WDR49: variants seen among roughly 807,000 people sequenced by gnomAD.
WDR49 encodes cilia- and flagella-associated protein 337.
Under a neutral mutation model 119.5 loss-of-function variants are expected in WDR49, and 107 were observed. The observed-to-expected ratio is 0.90, with a 90% CI of 0.77 to 1.05. The LOEUF is 1.05. Ranked by LOEUF, WDR49 falls within the 50% of genes least tolerant of loss-of-function variation. The pLI is 0.00. For missense variants in WDR49, 1,240 were observed against 1,220.5 expected (o/e 1.02, Z -0.24); for synonymous variants, 425 against 418.8 (o/e 1.01, Z -0.18).
chr3:167,522,508 T>C (rs765724517), intron 15 of WDR49, 24 bp from the exon 16 acceptor site: 3 of 1,578,296 alleles, frequency 1.9e-6, no homozygotes, highest in Non-Finnish European at 2.6e-6. Context: ...AAACATCTGT[T>C]TTATTTTTAT....
chr3:167,531,992 C>T (rs1281407097), intron 12 of WDR49, among the ~76,000 whole-genome samples: 1 of 152,102 alleles, frequency 6.6e-6, no homozygotes, highest in African/African-American at 2.4e-5. Context: ...GAAGAAGAGG[C>T]AGAATTCCAA....
At chr3:167,533,682 G>A (rs922917399) in intron 11 of WDR49, among the ~76,000 whole-genome samples, 2 of 152,014 alleles carry the variant, frequency 1.3e-5, no homozygotes, top group African/African-American at 4.8e-5. Context: ...TCTTCACAGA[G>A]AACAGAGAAA....
intron 3 of WDR49, among the ~76,000 whole-genome samples, chr3:167,622,884 G>T (rs1288198700): frequency 6.6e-6 from 1 of 151,840 alleles, no homozygotes; most frequent in African/African-American, 2.4e-5. Flanking sequence ...CAAACACAAT[G>T]GAATGAAATT....
At chr3:167,654,180 T>C (rs1445323700), upstream of WDR49, among the ~76,000 whole-genome samples, 2 of 152,204 alleles carry the variant, frequency 1.3e-5, no homozygotes, top group African/African-American at 4.8e-5. Flanking sequence ...TTTACCATTA[T>C]ATAGGATATA....
intron 10 of WDR49, among the ~76,000 whole-genome samples, chr3:167,539,868 CA>C (rs1179286198): frequency 6.6e-6 from 1 of 152,124 alleles, no homozygotes; most frequent in Non-Finnish European, 1.5e-5. Context: ...TCTAGAAGAG[CA>C]AATACTTTGT....
intron 15 of WDR49, among the ~76,000 whole-genome samples, chr3:167,526,577 C>T (rs752180062): frequency 6.6e-6 from 1 of 152,100 alleles, no homozygotes; most frequent in East Asian, 1.9e-4. Context: ...CCCACTTAGC[C>T]GCTTTTTTTC....
chr3:167,532,844 T>C (rs1752896896), intron 12 of WDR49, 35 bp downstream of exon 12: 1 of 1,513,296 alleles, frequency 6.6e-7, no homozygotes, highest in Admixed American at 1.7e-5. Flanking sequence ...GTGATTTGAC[T>C]AGCCATGTTA....
At chr3:167,505,573 C>A (rs1367627885) in intron 16 of WDR49, among the ~76,000 whole-genome samples, 157 bp from the exon 17 acceptor site, 1 of 152,086 alleles carries the variant, frequency 6.6e-6, no homozygotes, top group African/African-American at 2.4e-5. Context: ...ACTAATCAAG[C>A]CCTATCTTTT....
chr3:167,587,806 A>AT (rs1449324160), intron 7 of WDR49, among the ~76,000 whole-genome samples: 4 of 151,780 alleles, frequency 2.6e-5, no homozygotes, highest in South Asian at 2.1e-4. Context: ...TTTCTAATTA[A>AT]TTTTTTTATT....
At chr3:167,626,742 G>A (rs761545603) in intron 3 of WDR49, 110 bp downstream of exon 3, 19 of 895,552 alleles carry the variant, frequency 2.1e-5, no homozygotes, top group Non-Finnish European at 2.6e-5. Flanking sequence ...TCCAGGTCAG[G>A]AGAAAGCCAC....
intron 4 of WDR49, 137 bp downstream of exon 4, chr3:167,621,330 T>A (rs1716858402): frequency 2.3e-6 from 2 of 877,158 alleles, no homozygotes; most frequent in East Asian, 5.8e-5. Flanking sequence ...CTAATCCATC[T>A]CTTCCATGTC....
intron 8 of WDR49, among the ~76,000 whole-genome samples, chr3:167,566,448 A>G (rs929105751): frequency 8.5e-5 from 13 of 152,248 alleles, no homozygotes; most frequent in Non-Finnish European, 1.6e-4. Flanking sequence ...ATTGTTACGT[A>G]TAAAAGCAAT....
At chr3:167,578,114 TCCAGG>T (rs1714342885) in intron 7 of WDR49, among the ~76,000 whole-genome samples, 1 of 152,128 alleles carries the variant, frequency 6.6e-6, no homozygotes, top group Non-Finnish European at 1.5e-5. Flanking sequence ...ACCCCTTTTC[TCCAGG>T]TTAAATGATC....
rs546171415 is a variant in WDR49 at position 167,610,098 on chromosome 3, G to A, written c.959-5630C>T. On this transcript the variant is annotated intron_variant, in intron 5 of 18. Transcript: ENST00000682715. ...GACTTGCTGGCTTCAGGTGAGACTCGGCACATTACTAGCTGTGGAGGCTAT... is the reference window on the plus strand; with the variant it reads ...GACTTGCTGGCTTCAGGTGAGACTCAGCACATTACTAGCTGTGGAGGCTAT... 3.3e-5 allele frequency among the ~76,000 whole-genome samples: 5 copies of A among 152,240 alleles called. No homozygotes were observed. The East Asian group carries it at 5.8e-4, about 18-fold the overall frequency.
intron 11 of WDR49, among the ~76,000 whole-genome samples, chr3:167,533,897 G>A (rs1189569935): frequency 6.6e-6 from 1 of 152,048 alleles, no homozygotes; most frequent in African/African-American, 2.4e-5. Flanking sequence ...GGGGAGAGGA[G>A]AGAGAAATGC....
chr3:167,629,630 C>A (rs79451208), intron 2 of WDR49, among the ~76,000 whole-genome samples: 1,724 of 152,100 alleles, frequency 0.011, 33 homozygotes, highest in East Asian at 0.097. Flanking sequence ...AATTAAAAAC[C>A]TTTTGGAAAG....
intron 2 of WDR49, among the ~76,000 whole-genome samples, chr3:167,651,550 A>C (rs1176883409): frequency 6.6e-6 from 1 of 151,766 alleles, no homozygotes; most frequent in Admixed American, 6.6e-5. Flanking sequence ...CCATGGGATT[A>C]TTCCATTCTC....
chr3:167,525,804 C>T (rs912227530), intron 15 of WDR49, among the ~76,000 whole-genome samples: 2 of 151,780 alleles, frequency 1.3e-5, no homozygotes, highest in African/African-American at 2.4e-5. Context: ...AGGTCAATAG[C>T]TATGTTATAA....
intron 12 of WDR49, among the ~76,000 whole-genome samples, chr3:167,531,692 T>C (rs1023621254): frequency 1.2e-4 from 19 of 152,138 alleles, no homozygotes; most frequent in African/African-American, 4.6e-4. Flanking sequence ...TTTAATTAAA[T>C]GAGCCTTTTT....
Sources: gnomAD v4.1 joint callset for allele counts (sites outside exome capture counted in the v4.1 genomes callset) on GRCh38, gnomAD v4.1.1 for gene constraint, MANE v1.5 for transcripts, NCBI Gene and HGNC (gene_info 2026-07-23, HGNC 2026-07-21) for gene names.